The following RBFOX1 variants were observed in gnomAD, a reference collection of about 807,000 sequenced individuals.
The protein encoded by RBFOX1 is RNA binding protein fox-1 homolog 1.
A neutral mutation model predicts 57.7 loss-of-function variants in RBFOX1; 8 were observed. The observed-to-expected ratio is 0.14, with a 90% CI of 0.08 to 0.25. The LOEUF (loss-of-function observed/expected upper bound fraction) is 0.25. RBFOX1 is among the 10% of genes least tolerant of loss of function. RBFOX1 has a pLI of 1.00. For missense variants in RBFOX1, 611 were observed against 548.5 expected (o/e 1.11, Z -1.14); for synonymous variants, 326 against 222.4 (o/e 1.47, Z -4.15).
chr16:7,458,431 G>A (rs11647085), intron 4 of RBFOX1, among the ~76,000 whole-genome samples: 131,052 of 152,176 alleles, frequency 0.86, 57,703 homozygotes, highest in East Asian at 1. Flanking sequence ...AAAGAAAATA[G>A]CTCATGCTAA....
intron 2 of RBFOX1, among the ~76,000 whole-genome samples, chr16:6,520,088 C>G (rs1430283497): frequency 2.6e-5 from 4 of 152,192 alleles, no homozygotes; most frequent in Non-Finnish European, 5.9e-5. Context: ...AGAGACCAGG[C>G]ACATTCAGTG....
chr16:6,272,851 C>A (rs1033878294), intron 1 of RBFOX1, among the ~76,000 whole-genome samples: 3 of 152,054 alleles, frequency 2.0e-5, no homozygotes, highest in African/African-American at 4.8e-5. Context: ...AACCTTTCAA[C>A]ATATGGTACT....
intron 5 of RBFOX1, among the ~76,000 whole-genome samples, chr16:7,525,091 G>A (rs999332143): frequency 1.3e-5 from 2 of 152,166 alleles, no homozygotes; most frequent in Non-Finnish European, 2.9e-5. Flanking sequence ...GCAAATGCAA[G>A]CATATGCCTG....
At chr16:7,015,778 T>C (rs551931908) in intron 3 of RBFOX1, among the ~76,000 whole-genome samples, 2 of 151,602 alleles carry the variant, frequency 1.3e-5, no homozygotes, top group East Asian at 3.9e-4. Flanking sequence ...TCTTAAAGAT[T>C]TTTTTTTTCT....
At chr16:6,015,599 A>T (rs1248669227), upstream of RBFOX1, among the ~76,000 whole-genome samples, 2 of 151,820 alleles carry the variant, frequency 1.3e-5, no homozygotes, top group East Asian at 3.9e-4. Flanking sequence ...CTTCAACAGG[A>T]CTCTATTTAT....
Position 6,249,094 on chromosome 16 carries a change from C to T in RBFOX1, c.-126-67901C>T, listed in dbSNP as rs549186229. On this transcript the variant is annotated intron_variant, in intron 1 of 15. Coordinates refer to ENST00000550418, the MANE Select transcript of RBFOX1 (RefSeq NM_018723.4). ...TGAAGGGCCCTCAGTTGGGATTAGT[C>T]CAGCCCCCACTCCCCTCCCCACCAA... 8.5e-5 allele frequency among the ~76,000 whole-genome samples: 13 copies of T among 152,188 alleles called. No homozygotes were observed. In the East Asian group the frequency reaches 1.5e-3, roughly 18 times the overall value.
chr16:6,722,388 C>A (rs12445015), intron 3 of RBFOX1, among the ~76,000 whole-genome samples: 66,517 of 152,084 alleles, frequency 0.44, 17,500 homozygotes, highest in Non-Finnish European at 0.58. Flanking sequence ...TCTAAGTCAT[C>A]TTGGTCATGT....
At chr16:7,205,213 T>C (rs1299125232) in intron 4 of RBFOX1, among the ~76,000 whole-genome samples, 1 of 151,740 alleles carries the variant, frequency 6.6e-6, no homozygotes, top group Admixed American at 6.6e-5. Flanking sequence ...AAAACTCCAG[T>C]TGAGTGAAAA....
intron 2 of RBFOX1, among the ~76,000 whole-genome samples, chr16:6,571,353 A>T: frequency 6.6e-6 from 1 of 152,182 alleles, no homozygotes; most frequent in African/African-American, 2.4e-5. Context: ...TCCAGAGAGA[A>T]GGGCACATTT....
chr16:6,951,819 C>T (rs1309331722), intron 3 of RBFOX1, among the ~76,000 whole-genome samples: 10 of 152,062 alleles, frequency 6.6e-5, no homozygotes, highest in South Asian at 2.1e-4. Flanking sequence ...CTGCAACCTC[C>T]GCCTCCTGGG....
intron 4 of RBFOX1, among the ~76,000 whole-genome samples, chr16:7,506,498 G>T (rs1317163208): frequency 1.3e-5 from 2 of 152,126 alleles, no homozygotes; most frequent in Non-Finnish European, 2.9e-5. Context: ...ACAATAATCA[G>T]TTCATAATTG....
chr16:7,488,464 ACT>A (rs1599748260), intron 4 of RBFOX1, among the ~76,000 whole-genome samples: 1 of 151,654 alleles, frequency 6.6e-6, no homozygotes, highest in African/African-American at 2.4e-5. Flanking sequence ...TCATTCTATC[ACT>A]CTGTACATTC....
intron 4 of RBFOX1, among the ~76,000 whole-genome samples, chr16:7,109,783 C>G (rs1055163354): frequency 6.6e-6 from 1 of 152,100 alleles, no homozygotes; most frequent in South Asian, 2.1e-4. Flanking sequence ...TTCATTCACT[C>G]GTTTGCTGAA....
chr16:6,755,871 T>C (rs1486486548), intron 3 of RBFOX1, among the ~76,000 whole-genome samples: 1 of 152,156 alleles, frequency 6.6e-6, no homozygotes, highest in African/African-American at 2.4e-5. Flanking sequence ...AAATTGACTT[T>C]TTGAGAATGT....
At chr16:6,972,479 A>C (rs1188348326) in intron 3 of RBFOX1, among the ~76,000 whole-genome samples, 1 of 152,176 alleles carries the variant, frequency 6.6e-6, no homozygotes, top group African/African-American at 2.4e-5. Context: ...GTATTTATCC[A>C]TTCATCTGTC....
intron 1 of RBFOX1, among the ~76,000 whole-genome samples, chr16:5,252,783 C>G (rs2062485653): frequency 6.6e-6 from 1 of 152,236 alleles, no homozygotes; most frequent in African/African-American, 2.4e-5. Context: ...AAGCTTTCCC[C>G]AGCTCCTTCT....
intron 2 of RBFOX1, among the ~76,000 whole-genome samples, chr16:6,488,970 G>C (rs905005179): frequency 6.6e-6 from 1 of 152,104 alleles, no homozygotes; most frequent in Non-Finnish European, 1.5e-5. Flanking sequence ...TCTCTGGTTG[G>C]ATACTGTGAC....
At chr16:7,543,878 G>A (rs963575490) in intron 5 of RBFOX1, among the ~76,000 whole-genome samples, 4 of 104,914 alleles carry the variant, frequency 3.8e-5, no homozygotes, top group Non-Finnish European at 6.3e-5. Flanking sequence ...GCACCACCAC[G>A]CCCAGCTAAT....
At chr16:5,519,559 A>G (rs552248707) in intron 2 of RBFOX1, among the ~76,000 whole-genome samples, 9 of 152,174 alleles carry the variant, frequency 5.9e-5, no homozygotes, top group Non-Finnish European at 1.0e-4. Flanking sequence ...CCTTGTCTCT[A>G]TGAAAAATAA....
Sources: allele counts gnomAD v4.1 joint callset (sites outside exome capture counted in the v4.1 genomes callset), GRCh38; gene constraint gnomAD v4.1.1; transcripts MANE v1.5; gene names NCBI Gene and HGNC (gene_info 2026-07-23, HGNC 2026-07-21).